AGMO: variants seen among roughly 807,000 people sequenced by gnomAD.
The protein encoded by AGMO is alkylglycerol monooxygenase, also known as glyceryl-ether monooxygenase.
A neutral mutation model predicts 60.2 loss-of-function variants in AGMO; 75 were observed. The ratio of observed to expected loss-of-function variants is 1.25; its 90% confidence interval spans 1.03 to 1.51. The LOEUF (loss-of-function observed/expected upper bound fraction) is 1.51, where lower values mean the gene tolerates loss of function less well. Ranked by LOEUF, AGMO falls within the 40% of genes most tolerant of loss-of-function variation. The pLI is 0.00. For missense variants in AGMO, 763 were observed against 525.5 expected, an observed-to-expected ratio of 1.45 and a Z score of -4.42; for synonymous variants, 261 against 177.1, an observed-to-expected ratio of 1.47 and a Z score of -3.76.
chr7:15,532,964 C>T (rs1410193346), intron 3 of AGMO, among the ~76,000 whole-genome samples: 1 of 152,136 alleles, frequency 6.6e-6, no homozygotes, highest in Non-Finnish European at 1.5e-5. Flanking sequence ...GCACTCCAGC[C>T]TGGGTGACAG....
At chr7:15,396,480 G>C (rs1318588007) in intron 5 of AGMO, 6 of 152,226 alleles carry the variant, frequency 3.9e-5, no homozygotes, top group African/African-American at 1.4e-4. Context: ...GCTCATAAAC[G>C]TGGCAGGGAC....
At chr7:15,270,596 ATTTTTTTTTTTTTTTTTTTTTTTTTTT>A (rs527463907) in intron 12 of AGMO, among the ~76,000 whole-genome samples, 1 of 48,070 alleles carries the variant, frequency 2.1e-5, no homozygotes, top group African/African-American at 8.2e-5. Context: ...TCTGTTGATA[ATTTTTTTTTTTTTTTTTTTTTTTTTTT>A]TTTTTTTTTT....
chr7:15,542,466 A>T (rs916042664), intron 3 of AGMO, among the ~76,000 whole-genome samples: 8 of 152,198 alleles, frequency 5.3e-5, no homozygotes, highest in South Asian at 2.1e-4. Flanking sequence ...TAATAGTTTT[A>T]TATTGGTAAT....
intron 12 of AGMO, among the ~76,000 whole-genome samples, chr7:15,300,414 G>T (rs1018166602): frequency 6.6e-6 from 1 of 152,142 alleles, no homozygotes; most frequent in Middle Eastern, 3.4e-3. Flanking sequence ...CTACGTGATG[G>T]GATTAAATTA....
At chr7:15,452,220 G>GA (rs200369629) in intron 3 of AGMO, among the ~76,000 whole-genome samples, 1,598 of 148,332 alleles carry the variant, frequency 0.011, 30 homozygotes, top group African/African-American at 0.038. Context: ...CAAGCAAAGA[G>GA]AAAAAAAAAT....
intron 6 of AGMO, among the ~76,000 whole-genome samples, chr7:15,392,122 T>G (rs112973924): frequency 0.037 from 5,605 of 152,020 alleles, 334 homozygotes; most frequent in African/African-American, 0.13. Flanking sequence ...CAGGCTGGAG[T>G]GCAGTGGCGC....
chr7:15,547,239 G>C (rs1208780869), intron 2 of AGMO, among the ~76,000 whole-genome samples: 3 of 151,606 alleles, frequency 2.0e-5, no homozygotes, highest in African/African-American at 7.3e-5. Context: ...AGTGTTTCCT[G>C]GGGAGCAAAA....
chr7:15,218,327 ATGTG>A lies in AGMO; in HGVS notation c.1264-16972_1264-16969del, dbSNP rs138890087. 8.0e-3 allele frequency among the ~76,000 whole-genome samples: 1,146 copies of A among 144,002 alleles called. 14 individuals are homozygous for A. Among genetic ancestry groups the A allele is most frequent in the African/African-American group, 0.023 (887 of 38,864 alleles). 94.5% of individuals were successfully genotyped at this position (144,002 alleles called of 152,430 possible). A position where few individuals can be genotyped will look rare whatever the true frequency, so the allele number is the denominator to read the frequency against. On this transcript the variant is annotated intron_variant, in intron 12 of 12. Coordinates refer to ENST00000342526, the MANE Select transcript of AGMO (RefSeq NM_001004320.2). Reference sequence around the variant, plus strand: ...ATACTATATTGACTATGGTGTGTGTATGTGTGTGTGTGTGTGTGTGTGTGTGTGT... The same window carrying A: ...ATACTATATTGACTATGGTGTGTGTATGTGTGTGTGTGTGTGTGTGTGTGT...
At chr7:15,385,664 TA>T (rs1183236871) in intron 9 of AGMO, 102 bp from the exon 10 acceptor site, 7 of 704,892 alleles carry the variant, frequency 9.9e-6, no homozygotes, top group Non-Finnish European at 1.7e-5. Context: ...CTATTTTTTT[TA>T]AAAAAAGACA....
At chr7:15,457,985 C>T (rs1167500729) in intron 3 of AGMO, among the ~76,000 whole-genome samples, 8 of 152,098 alleles carry the variant, frequency 5.3e-5, no homozygotes, top group Non-Finnish European at 1.2e-4. Flanking sequence ...CTATTCATAA[C>T]TAGGAAGCAA....
At chr7:15,373,912 C>G (rs993696299) in intron 10 of AGMO, among the ~76,000 whole-genome samples, 1 of 152,142 alleles carries the variant, frequency 6.6e-6, no homozygotes, top group Non-Finnish European at 1.5e-5. Flanking sequence ...TAAAATGAGG[C>G]TAATATTGCC....
At chr7:15,512,435 T>G (rs1056465535) in intron 3 of AGMO, among the ~76,000 whole-genome samples, 5 of 152,236 alleles carry the variant, frequency 3.3e-5, no homozygotes, top group African/African-American at 1.2e-4. Flanking sequence ...CTGTTTTTTG[T>G]TGAGTCGGGG....
At chr7:15,241,536 C>T (rs1185183992) in intron 12 of AGMO, among the ~76,000 whole-genome samples, 1 of 149,692 alleles carries the variant, frequency 6.7e-6, no homozygotes, top group Admixed American at 6.7e-5. Context: ...TAATGATCAC[C>T]ATGGGAAAGC....
chr7:15,351,692 G>C (rs979306575), intron 12 of AGMO, among the ~76,000 whole-genome samples: 2 of 152,180 alleles, frequency 1.3e-5, no homozygotes, highest in African/African-American at 4.8e-5. Context: ...TGCAATAGCA[G>C]CTACTACATT....
At chr7:15,279,411 C>T (rs1243275359) in intron 12 of AGMO, among the ~76,000 whole-genome samples, 1 of 152,202 alleles carries the variant, frequency 6.6e-6, no homozygotes, top group Non-Finnish European at 1.5e-5. Flanking sequence ...CTCTCCATGA[C>T]AGAGGTGTCC....
intron 12 of AGMO, among the ~76,000 whole-genome samples, chr7:15,326,578 C>G (rs1781345267): frequency 6.6e-6 from 1 of 152,082 alleles, no homozygotes; most frequent in East Asian, 1.9e-4. Context: ...TTTTCTGAAC[C>G]CACTGATTAA....
downstream of AGMO, among the ~76,000 whole-genome samples, chr7:15,198,857 C>T (rs1040176687): frequency 3.3e-5 from 5 of 152,124 alleles, no homozygotes; most frequent in African/African-American, 1.2e-4. Context: ...TGAGGTTTCA[C>T]AATAATGATG....
chr7:15,201,166 A>G lies in AGMO; in HGVS notation c.*119T>C. On this transcript the variant is annotated 3_prime_UTR_variant, in exon 13 of 13. Coordinates refer to ENST00000342526, the MANE Select transcript of AGMO (RefSeq NM_001004320.2). ...CAAACAATAGTAAATAAGTAATTTT[A>G]CTTTTCATTGAAGAAATAGTTCATA... 1 of 581,530 alleles carries G rather than the reference A, an allele frequency of 1.7e-6. No homozygotes were observed. Among genetic ancestry groups the G allele is most frequent in the South Asian group, 4.6e-5 (1 of 21,886 alleles). 36.0% of individuals were successfully genotyped at this position (581,530 alleles called of 1,614,324 possible).
At chr7:15,351,563 G>A (rs528606690) in intron 12 of AGMO, among the ~76,000 whole-genome samples, 23 of 152,260 alleles carry the variant, frequency 1.5e-4, no homozygotes, top group Admixed American at 5.9e-4. Context: ...TGCGTATCAT[G>A]TACATCGTAT....
Sources: gnomAD v4.1 joint callset for allele counts (sites outside exome capture counted in the v4.1 genomes callset) on GRCh38, gnomAD v4.1.1 for gene constraint, MANE v1.5 for transcripts, NCBI Gene and HGNC (gene_info 2026-07-23, HGNC 2026-07-21) for gene names.